The following CAMK4 variants were observed in gnomAD, a reference collection of about 807,000 sequenced individuals.
The protein encoded by CAMK4 is calcium/calmodulin-dependent protein kinase type IV.
CAMK4 carries 22 observed loss-of-function variants against 44.9 expected under a neutral mutation model. That is an observed-to-expected ratio of 0.49 (90% CI 0.35 to 0.70). The LOEUF (loss-of-function observed/expected upper bound fraction) is 0.70, where lower values mean the gene tolerates loss of function less well. Among genes scored for constraint, CAMK4 ranks in the 30% least tolerant of loss-of-function variants. CAMK4 has a pLI of 0.01. For missense variants in CAMK4, 498 were observed against 586.8 expected, an observed-to-expected ratio of 0.85 and a Z score of 1.56; for synonymous variants, 218 against 215.4, an observed-to-expected ratio of 1.01 and a Z score of -0.11.
intron 4 of CAMK4, among the ~76,000 whole-genome samples, chr5:111,379,040 A>G (rs1376646581): frequency 2.0e-5 from 3 of 152,108 alleles, no homozygotes; most frequent in Admixed American, 2.0e-4. Context: ...ACATTAATAG[A>G]GCAGTTTATA....
At chr5:111,240,547 G>A (rs185933981) in intron 1 of CAMK4, among the ~76,000 whole-genome samples, 23 of 152,224 alleles carry the variant, frequency 1.5e-4, no homozygotes, top group Admixed American at 1.3e-3. Flanking sequence ...CTCTTCTGGC[G>A]AAGGAACTTC....
At chr5:111,338,482 T>C (rs1270016818) in intron 1 of CAMK4, among the ~76,000 whole-genome samples, 1 of 151,400 alleles carries the variant, frequency 6.6e-6, no homozygotes, top group Non-Finnish European at 1.5e-5. Context: ...AGGTCCCATT[T>C]GTCAATTTTT....
intron 8 of CAMK4, among the ~76,000 whole-genome samples, chr5:111,473,913 G>GA (rs370970321): frequency 6.6e-6 from 1 of 151,780 alleles, no homozygotes; most frequent in African/African-American, 2.4e-5. Flanking sequence ...AATTTCTTGG[G>GA]AAAAAAAATG....
At chr5:111,324,783 A>G (rs1047145152) in intron 1 of CAMK4, among the ~76,000 whole-genome samples, 4 of 152,084 alleles carry the variant, frequency 2.6e-5, no homozygotes, top group African/African-American at 9.7e-5. Context: ...AAAATAGATC[A>G]TATATTGAAA....
At chr5:111,412,965 T>C (rs946653513) in intron 5 of CAMK4, among the ~76,000 whole-genome samples, 1 of 152,204 alleles carries the variant, frequency 6.6e-6, no homozygotes, top group African/African-American at 2.4e-5. Flanking sequence ...CTGGACACAT[T>C]GACTATGGGG....
rs143178772 is a variant in CAMK4, at chr5:111,249,628, G to GTA, written c.161+25000_161+25001dup. Among the ~76,000 whole-genome samples, 750 of 130,354 alleles carry GTA rather than the reference G, an allele frequency of 5.8e-3. 5 individuals carry two copies. Among genetic ancestry groups the GTA allele is most frequent in the African/African-American group, 0.015 (458 of 31,228 alleles). The allele number at this position is 130,354 out of a possible 152,430, so 85.5% of individuals were successfully genotyped here. A position where few individuals can be genotyped will look rare whatever the true frequency, so the allele number is the denominator to read the frequency against. ...ATTCTTGGTTCTTTTATATTTGTGTGTATATATATATATATATGTGTGTGT... is the reference window on the plus strand; with the variant it reads ...ATTCTTGGTTCTTTTATATTTGTGTGTATATATATATATATATATGTGTGTGT... On this transcript the variant is annotated intron_variant, in intron 1 of 10. Transcript: ENST00000282356.
intron 1 of CAMK4, among the ~76,000 whole-genome samples, chr5:111,280,364 C>T (rs1409497799): frequency 1.3e-5 from 2 of 152,188 alleles, no homozygotes; most frequent in Non-Finnish European, 2.9e-5. Flanking sequence ...GACAAAAATG[C>T]AATGGCTCAA....
chr5:111,326,061 AAG>A (rs1748875224), intron 1 of CAMK4, among the ~76,000 whole-genome samples: 1 of 152,070 alleles, frequency 6.6e-6, no homozygotes, highest in African/African-American at 2.4e-5. Context: ...AATATAAAAG[AAG>A]AGAGATACAA....
chr5:111,353,664 T>C lies in CAMK4; in HGVS notation c.240+9562T>C, dbSNP rs542640948. Among the ~76,000 whole-genome samples, 10 of 152,188 alleles carry C rather than the reference T, an allele frequency of 6.6e-5. No individual in the cohort carries two copies. In the South Asian group the frequency reaches 2.1e-3, roughly 32 times the overall value. On this transcript the variant is annotated intron_variant, in intron 2 of 10. Coordinates refer to ENST00000282356, the MANE Select transcript of CAMK4 (RefSeq NM_001744.6). ...ATCATTTCAGTAAAGTTTCAGAATA[T>C]ATAAATGAGGTACAAAAATAAGTTA...
intron 1 of CAMK4, among the ~76,000 whole-genome samples, chr5:111,293,431 T>A (rs1447440456): frequency 6.6e-6 from 1 of 151,982 alleles, no homozygotes; most frequent in Non-Finnish European, 1.5e-5. Flanking sequence ...GGCGGTGGTC[T>A]ACTTTTTTTT....
chr5:111,258,334 A>G (rs576312573), intron 1 of CAMK4, among the ~76,000 whole-genome samples: 1 of 152,316 alleles, frequency 6.6e-6, no homozygotes, highest in East Asian at 1.9e-4. Context: ...TACCGCATTC[A>G]GGCTGACTAA....
chr5:111,266,471 C>T (rs1235241873), intron 1 of CAMK4, among the ~76,000 whole-genome samples: 2 of 152,108 alleles, frequency 1.3e-5, no homozygotes, highest in African/African-American at 2.4e-5. Context: ...TCAAAATGCC[C>T]ACATTTCTGG....
intron 1 of CAMK4, chr5:111,277,514 C>A (rs970554365): frequency 1.3e-5 from 2 of 152,088 alleles, no homozygotes; most frequent in Non-Finnish European, 2.9e-5. Context: ...ACCTCTTTTT[C>A]AAAGTTCCCC....
chr5:111,275,538 T>C (rs1452198966), intron 1 of CAMK4, among the ~76,000 whole-genome samples: 3 of 152,098 alleles, frequency 2.0e-5, no homozygotes, highest in Non-Finnish European at 4.4e-5. Context: ...TTCTTTCAGA[T>C]AGTGTCTGAC....
rs76528284 is a variant in CAMK4, at chr5:111,415,848, T to TA, written c.459+21072dup. On this transcript the variant is annotated intron_variant, in intron 5 of 10. Coordinates refer to ENST00000282356, the MANE Select transcript of CAMK4 (RefSeq NM_001744.6). The stretch of plus-strand genomic sequence containing the variant: ...AAATAATAAAGAATAACAAAATAAA[T>TA]AAAAAACAATGCAGTATAACAACTA... Among the ~76,000 whole-genome samples, 1,214 of 152,202 alleles carry TA rather than the reference T, an allele frequency of 8.0e-3. 14 individuals carry two copies. The highest frequency in any genetic ancestry group is 0.026 in the African/African-American group (1,065 of 41,514).
chr5:111,436,311 A>G (rs1374293248), intron 5 of CAMK4, among the ~76,000 whole-genome samples: 1 of 152,202 alleles, frequency 6.6e-6, no homozygotes, highest in Admixed American at 6.5e-5. Flanking sequence ...CAATGAAAAT[A>G]TCCATGTTTC....
intron 7 of CAMK4, among the ~76,000 whole-genome samples, chr5:111,463,771 G>A (rs566798686): frequency 6.6e-6 from 1 of 152,344 alleles, no homozygotes; most frequent in South Asian, 2.1e-4. Context: ...CTTTCGGGAA[G>A]CCACATCCCT....
At chr5:111,323,574 A>G (rs1644509) in intron 1 of CAMK4, among the ~76,000 whole-genome samples, 83,955 of 151,756 alleles carry the variant, frequency 0.55, 23,576 homozygotes, top group South Asian at 0.68. Flanking sequence ...AAAAAAAATG[A>G]AGACCAGAAG....
At chr5:111,371,109 A>G (rs1190080951) in intron 2 of CAMK4, among the ~76,000 whole-genome samples, 1 of 152,064 alleles carries the variant, frequency 6.6e-6, no homozygotes, top group East Asian at 1.9e-4. Context: ...TCACTAAACG[A>G]AAGAACTTTT....
Sources: gnomAD v4.1 joint callset for allele counts (sites outside exome capture counted in the v4.1 genomes callset) on GRCh38, gnomAD v4.1.1 for gene constraint, MANE v1.5 for transcripts, NCBI Gene and HGNC (gene_info 2026-07-23, HGNC 2026-07-21) for gene names.